The following TULP4 variants were observed in gnomAD, a reference collection of about 807,000 sequenced individuals.
TULP4 encodes TUB like protein 4, also known as tubby-related protein 4.
A neutral mutation model predicts 129.0 loss-of-function variants in TULP4; 16 were observed. The observed-to-expected ratio is 0.12, with a 90% CI of 0.08 to 0.19. The LOEUF (loss-of-function observed/expected upper bound fraction) is 0.19. Among genes scored for constraint, TULP4 ranks in the 10% least tolerant of loss-of-function variants. The pLI, the probability that TULP4 is intolerant of heterozygous loss-of-function variation, is 1.00. For missense variants in TULP4, 1,842 were observed against 2,059.1 expected (o/e 0.89, Z 2.04); for synonymous variants, 998 against 854.0 (o/e 1.17, Z -2.94).
intron 1 of TULP4, among the ~76,000 whole-genome samples, chr6:158,375,646 C>G (rs1042194668): frequency 6.6e-6 from 1 of 152,192 alleles, no homozygotes; most frequent in Non-Finnish European, 1.5e-5. Flanking sequence ...AAGAAGAAGG[C>G]TAGCTTTATC....
intron 1 of TULP4, among the ~76,000 whole-genome samples, chr6:158,341,774 A>G (rs1780185693): frequency 6.6e-6 from 1 of 151,338 alleles, no homozygotes; most frequent in East Asian, 1.9e-4. Flanking sequence ...ATTTTTTCCT[A>G]TTGAGTTGTT....
intron 9 of TULP4, among the ~76,000 whole-genome samples, chr6:158,490,389 C>G (rs567508794): frequency 6.6e-6 from 1 of 152,136 alleles, no homozygotes; most frequent in East Asian, 1.9e-4. Flanking sequence ...CAAGACTGCA[C>G]CTCAAATAAA....
At chr6:158,271,697 T>C (rs941455125) in intron 1 of TULP4, among the ~76,000 whole-genome samples, 4 of 152,202 alleles carry the variant, frequency 2.6e-5, no homozygotes, top group African/African-American at 9.7e-5. Flanking sequence ...CCCAAAGTGC[T>C]GGGATTACAG....
chr6:158,473,996 T>C (rs1009581402), intron 6 of TULP4, among the ~76,000 whole-genome samples: 17 of 151,822 alleles, frequency 1.1e-4, no homozygotes, highest in African/African-American at 4.1e-4. Flanking sequence ...TTTGAAAATT[T>C]GTTTTGTAGA....
At chr6:158,424,712 G>T (rs1385974520) in intron 2 of TULP4, among the ~76,000 whole-genome samples, 1 of 152,040 alleles carries the variant, frequency 6.6e-6, no homozygotes, top group African/African-American at 2.4e-5. Flanking sequence ...ATTCAAAGTT[G>T]GTTGAATTCA....
In TULP4 at chr6:158,301,124, G is replaced by C. The variant is rs140321044; in HGVS notation, n.117-10927G>C. ...AATTACCAATATGTTTGATAGTAGC[G>C]GTTTCTATATTTTTAGTGGCATGTA... On this transcript the variant is annotated intron_variant and non_coding_transcript_variant, in intron 1 of 1. Coordinates refer to the TULP4 transcript ENST00000432358. Among the ~76,000 whole-genome samples the C allele has an allele frequency of 5.3e-5, 8 of 152,268 alleles. No individual in the cohort carries two copies. In the East Asian group the frequency reaches 1.2e-3, roughly 22 times the overall value.
At chr6:158,346,226 C>T (rs926923076) in intron 1 of TULP4, among the ~76,000 whole-genome samples, 9 of 152,146 alleles carry the variant, frequency 5.9e-5, no homozygotes, top group African/African-American at 1.2e-4. Context: ...CCTGAGGTGA[C>T]GTACATCCTC....
In TULP4 at chr6:158,380,598, G is replaced by C. The variant is rs923125439; in HGVS notation, c.253-32467G>C. ...CCCAGATGCAATATGCCAGGCTTCA[G>C]ATAAAAAGACAGGAGGCCAGGCATG... On this transcript the variant is annotated intron_variant, in intron 1 of 13. Transcript: ENST00000367097. Among the ~76,000 whole-genome samples the C allele has an allele frequency of 4.6e-5, 7 of 152,046 alleles. No homozygotes were observed. In the South Asian group the frequency reaches 1.5e-3, roughly 32 times the overall value.
At chr6:158,309,759 C>T (rs1205634621), upstream of TULP4, among the ~76,000 whole-genome samples, 2 of 152,080 alleles carry the variant, frequency 1.3e-5, no homozygotes, top group African/African-American at 2.4e-5. Context: ...GGCGTGGCGG[C>T]GCGCCTGCAA....
chr6:158,322,217 T>G (rs561757551), intron 1 of TULP4, among the ~76,000 whole-genome samples: 6 of 152,366 alleles, frequency 3.9e-5, no homozygotes, highest in South Asian at 4.1e-4. Flanking sequence ...CTCTTTTATC[T>G]CTCATAAATT....
In TULP4 at chr6:158,296,055, AT is replaced by A. The variant is rs575481812; in HGVS notation, n.116+13679del. The stretch of plus-strand genomic sequence containing the variant: ...AATGTATTCTCTATTAACTGATAAA[AT>A]TAGTTTGGCTTGTTTCTGAACTTCA... On this transcript the variant is annotated intron_variant and non_coding_transcript_variant, in intron 1 of 1. Coordinates refer to the TULP4 transcript ENST00000432358. Among the ~76,000 whole-genome samples, 8 of 152,332 alleles carry A rather than the reference AT, an allele frequency of 5.3e-5. 1 individual carries two copies. The South Asian group carries it at 1.7e-3, about 32-fold the overall frequency.
chr6:158,242,604 A>C, intron 1 of TULP4: 1 of 710,876 alleles, frequency 1.4e-6, no homozygotes, highest in East Asian at 2.5e-5. Context: ...ATTGGCTAAC[A>C]GTTTGGTGCA....
At chr6:158,441,236 C>T (rs886132021) in intron 3 of TULP4, among the ~76,000 whole-genome samples, 10 of 151,962 alleles carry the variant, frequency 6.6e-5, no homozygotes, top group African/African-American at 2.2e-4. Context: ...ATTGCTTGAA[C>T]CCGAAGGCAG....
At chr6:158,374,227 C>G (rs186905510) in intron 1 of TULP4, among the ~76,000 whole-genome samples, 387 of 150,436 alleles carry the variant, frequency 2.6e-3, no homozygotes, top group African/African-American at 9.1e-3. Flanking sequence ...TTCAAGCCTG[C>G]AGTGCACTAT....
At chr6:158,308,429 A>C (rs1257642776), upstream of TULP4, among the ~76,000 whole-genome samples, 1 of 151,944 alleles carries the variant, frequency 6.6e-6, no homozygotes, top group Non-Finnish European at 1.5e-5. Context: ...CAACCATCCG[A>C]TTTCTCAATC....
rs1780686423 is a variant in TULP4 at position 158,509,636 on chromosome 6, C to CA, written c.*2945dup. 6.6e-6 allele frequency: 1 copy of CA among 152,186 alleles called. No individual in the cohort carries two copies. The highest frequency in any genetic ancestry group is 1.5e-5 in the Non-Finnish European group (1 of 68,042). 9.4% of individuals were successfully genotyped at this position (152,186 alleles called of 1,614,324 possible). ...CTTCTAAATGCCTAGCTCCCTCCCC[C>CA]AAAGGCGCTTTCCCCCGATGGAGGC... On this transcript the variant is annotated 3_prime_UTR_variant, in exon 14 of 14. Transcript: ENST00000367097.
intron 1 of TULP4, among the ~76,000 whole-genome samples, chr6:158,235,192 A>C (rs918055578): frequency 6.6e-6 from 1 of 152,018 alleles, no homozygotes; most frequent in Non-Finnish European, 1.5e-5. Context: ...AAAAAAAAAA[A>C]AAACTTAAAT....
intron 8 of TULP4, among the ~76,000 whole-genome samples, chr6:158,489,209 G>A (rs900518123): frequency 2.0e-5 from 3 of 152,208 alleles, no homozygotes; most frequent in Non-Finnish European, 4.4e-5. Flanking sequence ...GTTCTCAGGG[G>A]AATCAGTGAG....
chr6:158,327,133 G>T (rs2128490154), intron 1 of TULP4, among the ~76,000 whole-genome samples: 1 of 152,186 alleles, frequency 6.6e-6, no homozygotes, highest in East Asian at 1.9e-4. Context: ...TAAGGATTCA[G>T]TGGTTACTAT....
Sources: gnomAD v4.1 joint callset for allele counts (sites outside exome capture counted in the v4.1 genomes callset) on GRCh38, gnomAD v4.1.1 for gene constraint, MANE v1.5 for transcripts, NCBI Gene and HGNC (gene_info 2026-07-23, HGNC 2026-07-21) for gene names.